Variants in LDLRAD4 observed in about 807,000 individuals in gnomAD.
LDLRAD4 encodes low-density lipoprotein receptor class A domain-containing protein 4.
A neutral mutation model predicts 17.0 loss-of-function variants in LDLRAD4; 5 were observed. The ratio of observed to expected loss-of-function variants is 0.29; its 90% CI spans 0.15 to 0.62. The LOEUF is 0.62. Ranked by LOEUF, LDLRAD4 falls within the 20% of genes least tolerant of loss-of-function variation. LDLRAD4 has a pLI of 0.84. For missense variants in LDLRAD4, 340 were observed against 424.7 expected (o/e 0.80, Z 1.75); for synonymous variants, 168 against 171.8 (o/e 0.98, Z 0.17).
chr18:13,414,064 A>T (rs142314267), intron 2 of LDLRAD4, among the ~76,000 whole-genome samples: 3 of 152,202 alleles, frequency 2.0e-5, no homozygotes, highest in African/African-American at 7.2e-5. Context: ...CCAGAGGTGC[A>T]CTATAGTCCA....
In LDLRAD4 at chr18:13,533,113, T is replaced by G. The variant is rs28508197; in HGVS notation, c.182-88004T>G. On this transcript the variant is annotated intron_variant, in intron 3 of 5. Coordinates refer to ENST00000359446, the Ensembl canonical transcript of LDLRAD4. ...CTGAGCACCTACTGTGTGTCAGGGC[T>G]AAGGGATAAGCCAGCGACCAATAGA... is the stretch of plus-strand genomic sequence containing the variant. 9.2e-3 allele frequency among the ~76,000 whole-genome samples: 1,402 copies of G among 152,326 alleles called. 11 individuals carry two copies. Among genetic ancestry groups the G allele is most frequent in the African/African-American group, 0.032 (1,337 of 41,570 alleles).
chr18:13,507,229 T>A (rs146790625), intron 3 of LDLRAD4, among the ~76,000 whole-genome samples: 62 of 152,290 alleles, frequency 4.1e-4, no homozygotes, highest in African/African-American at 1.5e-3. Flanking sequence ...ATGGATAAGT[T>A]CTTTAGTGGT....
intron 1 of LDLRAD4, chr18:13,242,208 A>T (rs1193077968): frequency 1.3e-5 from 2 of 152,270 alleles, no homozygotes; most frequent in African/African-American, 4.8e-5. Context: ...GCTTGTTTTC[A>T]CGTCTGCAGG....
intron 3 of LDLRAD4, among the ~76,000 whole-genome samples, chr18:13,454,276 G>A (rs757294230): frequency 6.6e-6 from 1 of 152,210 alleles, no homozygotes; most frequent in African/African-American, 2.4e-5. Flanking sequence ...TGTTTATCTA[G>A]TTGGAGTTTC....
chr18:13,461,755 A>T (rs1254571819), intron 3 of LDLRAD4, among the ~76,000 whole-genome samples: 1 of 152,212 alleles, frequency 6.6e-6, no homozygotes, highest in African/African-American at 2.4e-5. Context: ...GTTACACCCT[A>T]TGCAAATGTC....
chr18:13,227,537 C>T (rs182217973), intron 1 of LDLRAD4, among the ~76,000 whole-genome samples: 124 of 152,290 alleles, frequency 8.1e-4, no homozygotes, highest in African/African-American at 2.8e-3. Context: ...GTGGGTCCCA[C>T]AGGACCTGGT....
chr18:13,389,541 A>G (rs1457373445), intron 2 of LDLRAD4, among the ~76,000 whole-genome samples: 4 of 152,224 alleles, frequency 2.6e-5, no homozygotes, highest in African/African-American at 9.6e-5. Context: ...AAGAGGGAAC[A>G]AGAAAAGAAA....
At chr18:13,632,078 T>TG (rs1328634246) in intron 4 of LDLRAD4, among the ~76,000 whole-genome samples, 3 of 152,312 alleles carry the variant, frequency 2.0e-5, no homozygotes, top group South Asian at 2.1e-4. Context: ...AGAATGAAGT[T>TG]GGGGGTCCCA....
intron 1 of LDLRAD4, among the ~76,000 whole-genome samples, chr18:13,311,175 C>CT (rs1375471804): frequency 6.6e-6 from 1 of 152,234 alleles, no homozygotes; most frequent in African/African-American, 2.4e-5. Flanking sequence ...TGAGAGCTTA[C>CT]TGGGTGCTTC....
In LDLRAD4 at chr18:13,309,949, TAAC is replaced by T. The variant is rs552182636; in HGVS notation, c.-383+31764_-383+31766del. On this transcript the variant is annotated intron_variant, in intron 1 of 5. Transcript: ENST00000359446. ...TCAATGGAACGATAGCGCAGTCTCT[TAAC>T]AATGCTTCAGGACAGATAATAGAGC... 1.3e-4 allele frequency among the ~76,000 whole-genome samples: 20 copies of T among 152,290 alleles called. 1 individual carries two copies. In the East Asian group the frequency reaches 3.7e-3, roughly 28 times the overall value.
At chr18:13,633,237 A>C (rs2041824425) in intron 4 of LDLRAD4, among the ~76,000 whole-genome samples, 1 of 152,206 alleles carries the variant, frequency 6.6e-6, no homozygotes, top group African/African-American at 2.4e-5. Context: ...AAAAGGGAGG[A>C]AGTGCATGCT....
intron 1 of LDLRAD4, among the ~76,000 whole-genome samples, chr18:13,376,659 C>T (rs983004036): frequency 1.3e-5 from 2 of 152,172 alleles, no homozygotes; most frequent in South Asian, 4.1e-4. Flanking sequence ...ACACCCTCGG[C>T]GTCCGGTGCT....
intron 3 of LDLRAD4, among the ~76,000 whole-genome samples, chr18:13,596,831 A>G (rs907696081): frequency 2.0e-5 from 3 of 152,044 alleles, no homozygotes; most frequent in African/African-American, 7.2e-5. Flanking sequence ...CTTTGCTCCC[A>G]CTCACCTCCT....
chr18:13,603,470 G>A (rs1291651960), intron 3 of LDLRAD4, among the ~76,000 whole-genome samples: 3 of 152,234 alleles, frequency 2.0e-5, no homozygotes, highest in Non-Finnish European at 4.4e-5. Flanking sequence ...CCTAGTTCAG[G>A]TCCTGGCATT....
At chr18:13,612,677 T>C (rs753113403) in intron 3 of LDLRAD4, 1 of 1,613,860 alleles carries the variant, frequency 6.2e-7, no homozygotes, top group East Asian at 2.2e-5. Flanking sequence ...GCGTCACAGT[T>C]GGACTCCCAC....
At chr18:13,619,331 A>G (rs2040375312) in intron 3 of LDLRAD4, among the ~76,000 whole-genome samples, 1 of 152,100 alleles carries the variant, frequency 6.6e-6, no homozygotes, top group African/African-American at 2.4e-5. Flanking sequence ...CAAGCGTGTC[A>G]TACTTCCCAT....
intron 2 of LDLRAD4, among the ~76,000 whole-genome samples, chr18:13,410,650 T>A (rs2088249489): frequency 6.6e-6 from 1 of 152,218 alleles, no homozygotes; most frequent in African/African-American, 2.4e-5. Flanking sequence ...CTTTGAAATA[T>A]GTTGTGTATA....
intron 1 of LDLRAD4, among the ~76,000 whole-genome samples, chr18:13,358,526 C>T (rs2083472931): frequency 6.6e-6 from 1 of 152,052 alleles, no homozygotes; most frequent in African/African-American, 2.4e-5. Context: ...TTTATTATTA[C>T]TCATTTGATT....
chr18:13,519,980 G>A (rs1447092967), intron 3 of LDLRAD4: 1 of 152,164 alleles, frequency 6.6e-6, no homozygotes, highest in African/African-American at 2.4e-5. Flanking sequence ...AATTTGCTAC[G>A]TAAAATATGC....
Sources: gnomAD v4.1 joint callset for allele counts (sites outside exome capture counted in the v4.1 genomes callset) on GRCh38, gnomAD v4.1.1 for gene constraint, MANE v1.5 for transcripts, NCBI Gene and HGNC (gene_info 2026-07-23, HGNC 2026-07-21) for gene names.